CTNNB1: variants seen among roughly 807,000 people sequenced by gnomAD.
CTNNB1 encodes catenin beta-1.
A neutral mutation model predicts 82.5 loss-of-function variants in CTNNB1; 6 were observed. The ratio of observed to expected loss-of-function variants is 0.07; its 90% CI spans 0.04 to 0.14. CTNNB1 has a LOEUF of 0.14. Ranked by LOEUF, CTNNB1 falls within the 10% of genes least tolerant of loss-of-function variation. The probability of loss-of-function intolerance (pLI) is 1.00; values close to 1 mark genes in which losing one functional copy is unlikely to be tolerated. For missense variants in CTNNB1, 529 were observed against 980.4 expected, an observed-to-expected ratio of 0.54 and a Z score of 6.15; for synonymous variants, 312 against 329.7, an observed-to-expected ratio of 0.95 and a Z score of 0.58.
At chr3:41,222,711 T>C (rs5743386) in intron 1 of CTNNB1, among the ~76,000 whole-genome samples, 64 of 152,320 alleles carry the variant, frequency 4.2e-4, no homozygotes, top group African/African-American at 1.4e-3. Flanking sequence ...TATAAAAAAA[T>C]GTTCCTGGAA....
intron 1 of CTNNB1, among the ~76,000 whole-genome samples, chr3:41,204,782 C>T (rs1295360392): frequency 6.6e-6 from 1 of 152,202 alleles, no homozygotes; most frequent in Non-Finnish European, 1.5e-5. Context: ...TGTCCCTCTG[C>T]AGTAGTACCA....
At chr3:41,203,646 T>C (rs1358037382) in intron 1 of CTNNB1, among the ~76,000 whole-genome samples, 1 of 152,210 alleles carries the variant, frequency 6.6e-6, no homozygotes, top group African/African-American at 2.4e-5. Flanking sequence ...ATTGAGCCAG[T>C]GTATGTGACC....
At chr3:41,208,647 T>C (rs1457836833) in intron 1 of CTNNB1, among the ~76,000 whole-genome samples, 1 of 152,170 alleles carries the variant, frequency 6.6e-6, no homozygotes, top group African/African-American at 2.4e-5. Flanking sequence ...CGTTTAACAA[T>C]CTTGTCCCTC....
At chr3:41,206,676 A>T (rs895708881) in intron 1 of CTNNB1, among the ~76,000 whole-genome samples, 1 of 151,760 alleles carries the variant, frequency 6.6e-6, no homozygotes, top group African/African-American at 2.4e-5. Context: ...TTTTGGGGTA[A>T]GGGTGTAGGG....
chr3:41,226,798 T>G (rs2078186481), intron 6 of CTNNB1, among the ~76,000 whole-genome samples: 1 of 152,152 alleles, frequency 6.6e-6, no homozygotes, highest in African/African-American at 2.4e-5. Context: ...TGGATATAAT[T>G]AGGAAAATTA....
At position 41,239,300 on chromosome 3, in the gene CTNNB1, A is replaced by T. The variant is rs2125654030; in HGVS notation, c.2304A>T (p.Pro768=). Residue 768 remains proline, a synonymous_variant, in exon 15 of 15, where the codon CCA becomes CCT. Coordinates refer to ENST00000349496, the MANE Select transcript of CTNNB1 (RefSeq NM_001904.4). Reference sequence around the variant, plus strand: ...AGGACCTCATGGATGGGCTGCCTCCAGGTGACAGCAATCAGCTGGCCTGGT... The same window carrying T: ...AGGACCTCATGGATGGGCTGCCTCCTGGTGACAGCAATCAGCTGGCCTGGT... The part of the protein sequence containing the change: ...HAQDLMDGLP[P]GDSNQLAWFD... The T allele has an allele frequency of 6.2e-7, 1 of 1,614,184 alleles. No homozygotes were observed. The highest frequency in any genetic ancestry group is 8.5e-7 in the Non-Finnish European group (1 of 1,180,034).
intron 10 of CTNNB1, 166 bp downstream of exon 10, chr3:41,234,463 A>G (rs1427240927): frequency 1.4e-6 from 1 of 735,162 alleles, no homozygotes. Context: ...CTGCAGAGAA[A>G]ATAAGGCATA....
At chr3:41,237,948 A>AC (rs1187678339) in intron 13 of CTNNB1, 68 bp from the exon 14 acceptor site, 3 of 1,342,330 alleles carry the variant, frequency 2.2e-6, no homozygotes, top group Non-Finnish European at 3.2e-6. Flanking sequence ...CTTTAAAAAA[A>AC]ATTAGTGTAC....
At chr3:41,213,706 CA>C (rs1477335353) in intron 1 of CTNNB1, among the ~76,000 whole-genome samples, 2 of 151,830 alleles carry the variant, frequency 1.3e-5, no homozygotes, top group African/African-American at 4.8e-5. Flanking sequence ...ATTGAGAAAA[CA>C]AAAAAATATA....
At chr3:41,237,516 TATTAAC>T (rs1370426169) in intron 13 of CTNNB1, 1 of 152,176 alleles carries the variant, frequency 6.6e-6, no homozygotes, top group Admixed American at 6.5e-5. Context: ...ATAGGCATCT[TATTAAC>T]ATGTTCCAAC....
intron 11 of CTNNB1, chr3:41,236,082 G>A (rs2078428745): frequency 1.5e-6 from 1 of 682,350 alleles, no homozygotes; most frequent in Admixed American, 2.7e-5. Context: ...GCCAGAGGCA[G>A]GGCATAGACC....
chr3:41,220,997 T>C (rs574567147), intron 1 of CTNNB1: 1 of 152,326 alleles, frequency 6.6e-6, no homozygotes, highest in African/African-American at 2.4e-5. Context: ...ACGGTGAATT[T>C]TGAAGTATCC....
At chr3:41,230,705 G>T (rs2078286362) in intron 7 of CTNNB1, among the ~76,000 whole-genome samples, 1 of 152,170 alleles carries the variant, frequency 6.6e-6, no homozygotes, top group South Asian at 2.1e-4. Flanking sequence ...GATGTTAAGT[G>T]GGACTGCAGG....
chr3:41,236,300 A>G lies in CTNNB1; in HGVS notation c.1804-49A>G, dbSNP rs143516435. The G allele has an allele frequency of 3.1e-4, 506 of 1,611,776 alleles. 2 individuals are homozygous for G. The African/African-American group carries it at 5.2e-3, about 17-fold the overall frequency. On this transcript the variant is annotated intron_variant, in intron 11 of 14. Coordinates refer to ENST00000349496, the MANE Select transcript of CTNNB1 (RefSeq NM_001904.4). Reference sequence around the variant, plus strand: ...TTTGCACCACAGTGGGGGGCTTGCCATGTTTTAGCTTTAGATTTAATTAGG... The same window carrying G: ...TTTGCACCACAGTGGGGGGCTTGCCGTGTTTTAGCTTTAGATTTAATTAGG...
chr3:41,237,958 CT>C (rs1197790491), intron 13 of CTNNB1, 57 bp from the exon 14 acceptor site: 2 of 1,481,594 alleles, frequency 1.3e-6, no homozygotes, highest in Non-Finnish European at 1.9e-6. Flanking sequence ...AATTAGTGTA[CT>C]TTTGAGAATT....
At chr3:41,212,767 T>C (rs1218728194) in intron 1 of CTNNB1, among the ~76,000 whole-genome samples, 3 of 152,230 alleles carry the variant, frequency 2.0e-5, no homozygotes, top group Non-Finnish European at 2.9e-5. Flanking sequence ...AGTATCACAA[T>C]CTAATTGTGC....
intron 1 of CTNNB1, among the ~76,000 whole-genome samples, chr3:41,215,405 C>T (rs973749716): frequency 1.1e-5 from 1 of 91,882 alleles, no homozygotes; most frequent in African/African-American, 3.6e-5. Context: ...AAAAAAAAAA[C>T]ACTCTTAGGT....
At chr3:41,233,130 C>G (rs2078349657) in intron 7 of CTNNB1, 2 of 618,426 alleles carry the variant, frequency 3.2e-6, no homozygotes, top group Admixed American at 2.7e-5. Flanking sequence ...GGAACAGTAG[C>G]TATTTGAGAG....
chr3:41,223,539 A>C (rs1305040958), intron 1 of CTNNB1, among the ~76,000 whole-genome samples: 5 of 152,170 alleles, frequency 3.3e-5, no homozygotes, highest in Admixed American at 3.3e-4. Flanking sequence ...ATGAAAAATA[A>C]TTTTTGATGG....
Sources: allele counts gnomAD v4.1 joint callset (sites outside exome capture counted in the v4.1 genomes callset), GRCh38; gene constraint gnomAD v4.1.1; transcripts MANE v1.5; gene names NCBI Gene and HGNC (gene_info 2026-07-23, HGNC 2026-07-21).